KLF12: variants seen among roughly 807,000 people sequenced by gnomAD.
The protein encoded by KLF12 is Krueppel-like factor 12.
Under a neutral mutation model 37.8 loss-of-function variants are expected in KLF12, and 9 were observed. The observed-to-expected ratio is 0.24, with a 90% CI of 0.14 to 0.42. The LOEUF is 0.42. Among genes scored for constraint, KLF12 ranks in the 10% least tolerant of loss-of-function variants. The probability of loss-of-function intolerance (pLI) is 1.00; values close to 1 mark genes in which losing one functional copy is unlikely to be tolerated. For missense variants in KLF12, 411 were observed against 516.0 expected (o/e 0.80, Z 1.97); for synonymous variants, 208 against 202.1 (o/e 1.03, Z -0.25).
chr13:73,996,305 T>C (rs1892117969), intron 1 of KLF12, among the ~76,000 whole-genome samples: 1 of 152,258 alleles, frequency 6.6e-6, no homozygotes, highest in Admixed American at 6.5e-5. Context: ...ATAATTCCTC[T>C]ATTTAACATG....
chr13:74,243,179 C>A, the KLF12 span, among the ~76,000 whole-genome samples: 3 of 152,126 alleles, frequency 2.0e-5, no homozygotes, highest in Non-Finnish European at 4.4e-5. Context: ...TTGTTCAACT[C>A]CCACTTATGA....
intron 1 of KLF12, among the ~76,000 whole-genome samples, chr13:74,019,965 G>A (rs1180537820): frequency 1.3e-5 from 2 of 152,170 alleles, no homozygotes; most frequent in African/African-American, 2.4e-5. Context: ...TATGTTGTGA[G>A]GGGACTGAAA....
Position 73,893,349 on chromosome 13 carries a change from C to T in KLF12, c.124-46976G>A, listed in dbSNP as rs539235916. Among the ~76,000 whole-genome samples, 131 of 146,744 alleles carry T rather than the reference C, an allele frequency of 8.9e-4. No individual in the cohort carries two copies. In the Middle Eastern group the frequency reaches 0.014, roughly 16 times the overall value. ...TTTTCAGTCTCATTGTTTTAGAATG[C>T]ACTCAATCAACAATATTGACTTTTT... On this transcript the variant is annotated intron_variant, in intron 3 of 7. Coordinates refer to ENST00000377669, the MANE Select transcript of KLF12 (RefSeq NM_007249.5).
chr13:74,251,211 G>A, the KLF12 span, among the ~76,000 whole-genome samples: 1 of 152,046 alleles, frequency 6.6e-6, no homozygotes, highest in African/African-American at 2.4e-5. Flanking sequence ...GAGTGCAGTG[G>A]TGTTATCTGA....
intron 2 of KLF12, among the ~76,000 whole-genome samples, chr13:73,953,970 C>CTTTTTTTT (rs67945624): frequency 1.4e-4 from 12 of 88,532 alleles, no homozygotes; most frequent in African/African-American, 4.4e-4. Flanking sequence ...TTTTTTCTTT[C>CTTTTTTTT]TTTTTTTTTT....
the KLF12 span, among the ~76,000 whole-genome samples, chr13:74,149,228 G>T: frequency 1.3e-5 from 2 of 152,132 alleles, no homozygotes; most frequent in African/African-American, 2.4e-5. Flanking sequence ...TCTTAAAGTT[G>T]CACTTAACTG....
chr13:73,800,738 T>C (rs190403026), intron 5 of KLF12: 9 of 152,198 alleles, frequency 5.9e-5, no homozygotes, highest in Admixed American at 3.9e-4. Context: ...ATGCATCCAG[T>C]TTTCTGTATT....
intron 6 of KLF12, among the ~76,000 whole-genome samples, chr13:73,760,281 G>A (rs939673099): frequency 6.6e-6 from 1 of 152,146 alleles, no homozygotes; most frequent in African/African-American, 2.4e-5. Flanking sequence ...CAATTGGTTA[G>A]AGAAAACTAC....
the KLF12 span, among the ~76,000 whole-genome samples, chr13:74,302,449 C>T: frequency 6.6e-6 from 1 of 152,120 alleles, no homozygotes; most frequent in Non-Finnish European, 1.5e-5. Flanking sequence ...TTACAGTTAT[C>T]AGTGTAGGTT....
chr13:73,806,828 G>A, intron 5 of KLF12, among the ~76,000 whole-genome samples: 1 of 151,768 alleles, frequency 6.6e-6, no homozygotes, highest in East Asian at 1.9e-4. Context: ...AACAGTTCTT[G>A]TTTTCCCTTT....
At chr13:73,880,432 G>A (rs1227071272) in intron 3 of KLF12, among the ~76,000 whole-genome samples, 3 of 152,142 alleles carry the variant, frequency 2.0e-5, no homozygotes, top group African/African-American at 7.2e-5. Context: ...GCCATTAAGC[G>A]TAGGGGTGAA....
chr13:73,914,301 A>G (rs1888709030), intron 3 of KLF12, among the ~76,000 whole-genome samples: 1 of 152,206 alleles, frequency 6.6e-6, no homozygotes, highest in South Asian at 2.1e-4. Context: ...AGACATGAGA[A>G]GACCAACCCA....
chr13:73,774,233 A>G (rs569411997), intron 5 of KLF12, among the ~76,000 whole-genome samples: 2 of 151,832 alleles, frequency 1.3e-5, no homozygotes, highest in Non-Finnish European at 2.9e-5. Flanking sequence ...AAAAATAAGT[A>G]AGTCAATATA....
chr13:74,135,546 C>T (rs1878520336), upstream of KLF12, among the ~76,000 whole-genome samples: 1 of 151,242 alleles, frequency 6.6e-6, no homozygotes, highest in Admixed American at 6.6e-5. Flanking sequence ...GGGTCAGCGC[C>T]GAGCCGGAGG....
chr13:73,824,965 A>G (rs1883753700), intron 4 of KLF12, among the ~76,000 whole-genome samples: 1 of 152,006 alleles, frequency 6.6e-6, no homozygotes, highest in Admixed American at 6.6e-5. Context: ...GCTATTTGGG[A>G]GGCTGAAGTA....
chr13:74,103,128 G>A (rs1457324079), intron 1 of KLF12, among the ~76,000 whole-genome samples: 1 of 152,216 alleles, frequency 6.6e-6, no homozygotes, highest in Non-Finnish European at 1.5e-5. Context: ...CAAACATGAT[G>A]AAATGCGAAA....
the KLF12 span, among the ~76,000 whole-genome samples, chr13:74,228,982 C>G: frequency 6.6e-6 from 1 of 151,896 alleles, no homozygotes; most frequent in Admixed American, 6.6e-5. Flanking sequence ...TACTAAGAAC[C>G]CTCAGTACAT....
intron 3 of KLF12, among the ~76,000 whole-genome samples, chr13:73,859,894 C>T (rs1219848219): frequency 1.3e-5 from 2 of 152,100 alleles, no homozygotes; most frequent in Non-Finnish European, 2.9e-5. Flanking sequence ...AATCAGCTCA[C>T]CACAAATGTA....
chr13:74,286,555 G>C, the KLF12 span, among the ~76,000 whole-genome samples: 6 of 152,176 alleles, frequency 3.9e-5, no homozygotes, highest in African/African-American at 1.4e-4. Context: ...TACCATCCAT[G>C]CAGTCTTTTT....
Sources: allele counts gnomAD v4.1 joint callset (sites outside exome capture counted in the v4.1 genomes callset), GRCh38; gene constraint gnomAD v4.1.1; transcripts MANE v1.5; gene names NCBI Gene and HGNC (gene_info 2026-07-23, HGNC 2026-07-21).